Variants in THOC5 observed in about 807,000 individuals in gnomAD.
The protein encoded by THOC5 is THO complex subunit 5, also known as Fms-interacting protein.
THOC5 carries 43 observed loss-of-function variants against 92.9 expected under a neutral mutation model. The ratio of observed to expected loss-of-function variants is 0.46; its 90% CI spans 0.36 to 0.60. The LOEUF (loss-of-function observed/expected upper bound fraction) is 0.60. THOC5 is among the 20% of genes least tolerant of loss of function. The pLI is 0.00. For missense variants in THOC5, 659 were observed against 849.4 expected, an observed-to-expected ratio of 0.78 and a Z score of 2.79; for synonymous variants, 296 against 320.1, an observed-to-expected ratio of 0.92 and a Z score of 0.80.
chr22:29,545,283 T>C (rs1403213616), intron 2 of THOC5: 1 of 181,896 alleles, frequency 5.5e-6, no homozygotes, highest in Non-Finnish European at 1.2e-5. Context: ...CATGTGGCAA[T>C]TCTGGGAAAT....
chr22:29,522,493 C>T (rs11704899), intron 12 of THOC5, among the ~76,000 whole-genome samples: 17,576 of 152,068 alleles, frequency 0.12, 1,265 homozygotes, highest in Middle Eastern at 0.17. Flanking sequence ...AAACTGCCCA[C>T]GATGAAGGTT....
intron 2 of THOC5, among the ~76,000 whole-genome samples, chr22:29,545,536 T>C (rs1322888456): frequency 6.6e-6 from 1 of 151,842 alleles, no homozygotes; most frequent in African/African-American, 2.4e-5. Context: ...ACAGTGGGGG[T>C]AAATATAGCC....
intron 1 of THOC5, among the ~76,000 whole-genome samples, chr22:29,549,817 C>G (rs1340951580): frequency 6.6e-6 from 1 of 152,072 alleles, no homozygotes. Context: ...CCCAGTTCCC[C>G]AAACACTCCA....
At chr22:29,509,275 C>CAAAAAA (rs59981269) in intron 19 of THOC5, among the ~76,000 whole-genome samples, 4 of 70,958 alleles carry the variant, frequency 5.6e-5, no homozygotes, top group Non-Finnish European at 1.1e-4. Flanking sequence ...GACTCTGTCT[C>CAAAAAA]AAAAAAAAAA....
At chr22:29,512,586 T>G (rs1299569723) in intron 17 of THOC5, among the ~76,000 whole-genome samples, 2 of 152,246 alleles carry the variant, frequency 1.3e-5, no homozygotes, top group African/African-American at 4.8e-5. Context: ...CATACTTTGT[T>G]ACATAAAATT....
intron 7 of THOC5, chr22:29,534,526 G>A (rs1397040483): frequency 6.7e-6 from 1 of 150,108 alleles, no homozygotes; most frequent in Non-Finnish European, 1.5e-5. Context: ...GATTTTATTT[G>A]TGTGCTTTTC....
At chr22:29,533,436 T>C (rs1014114097) in intron 7 of THOC5, among the ~76,000 whole-genome samples, 5 of 152,166 alleles carry the variant, frequency 3.3e-5, no homozygotes, top group African/African-American at 1.2e-4. Flanking sequence ...TAAATACCTA[T>C]GTGGAAAGAA....
At chr22:29,542,729 A>C (rs913106949) in intron 5 of THOC5, 130 bp downstream of exon 5, 14 of 551,726 alleles carry the variant, frequency 2.5e-5, no homozygotes, top group Admixed American at 6.4e-5. Flanking sequence ...GCGCCACTGC[A>C]CTCCAGCCTG....
intron 10 of THOC5, 36 bp downstream of exon 10, chr22:29,528,390 C>T (rs2063586058): frequency 1.2e-6 from 2 of 1,614,072 alleles, no homozygotes. Context: ...GTGCATGCAG[C>T]TGCTTGATGC....
intron 8 of THOC5, chr22:29,531,585 C>T: frequency 8.2e-7 from 1 of 1,226,422 alleles, no homozygotes. Flanking sequence ...CACCCAAGAG[C>T]TGTCCAGCCA....
At chr22:29,514,866 C>T (rs994544950) in intron 17 of THOC5, among the ~76,000 whole-genome samples, 3 of 151,712 alleles carry the variant, frequency 2.0e-5, no homozygotes, top group Admixed American at 6.6e-5. Context: ...CCACCAACCC[C>T]GGCTAACTTT....
Position 29,528,123 on chromosome 22 carries a change from G to T in THOC5, c.1021C>A (p.Leu341Met). 1 of 1,614,178 alleles carries T rather than the reference G, an allele frequency of 6.2e-7. No individual in the cohort carries two copies. Among genetic ancestry groups the T allele is most frequent in the Non-Finnish European group, 8.5e-7 (1 of 1,180,026 alleles). Residue 341 changes from leucine (L) to methionine (M), a missense_variant, in exon 11 of 20, where the codon CTG (leucine) becomes ATG (methionine). Transcript: ENST00000490103. ...VQLDDKRKEMLKRHPLSVMLD... is the reference protein window; with the variant it reads ...VQLDDKRKEMMKRHPLSVMLD... ...ATGACAGACAGTGGGTGCCTCTTCAGCATCTCCTTGCGTTTGTCGTCCAAC... is the reference window on the plus strand; with the variant it reads ...ATGACAGACAGTGGGTGCCTCTTCATCATCTCCTTGCGTTTGTCGTCCAAC...
intron 17 of THOC5, among the ~76,000 whole-genome samples, chr22:29,516,478 C>T (rs890380301): frequency 2.6e-5 from 4 of 152,178 alleles, no homozygotes; most frequent in Admixed American, 1.3e-4. Flanking sequence ...AGGCTTGCTG[C>T]GGCTTGGGTG....
At chr22:29,509,551 G>A (rs1331082574) in intron 19 of THOC5, among the ~76,000 whole-genome samples, 1 of 152,242 alleles carries the variant, frequency 6.6e-6, no homozygotes, top group Non-Finnish European at 1.5e-5. Flanking sequence ...GCCAGTGGAG[G>A]TGTCAGATGA....
Position 29,543,507 on chromosome 22 carries a change from A to G in THOC5, c.276T>C (p.Cys92=). ...GCTTCTTTAGAGTCATGAAATGCAC[A>G]CAGCTCTGGATCCTCCGTTCTTCTA... The part of the protein sequence containing the change: ...IEIEERRIQS[C]VHFMTLKKLN... The change falls in exon 4 of 20, where the codon TGT becomes TGC. Residue 92 remains cysteine, a synonymous_variant. Transcript: ENST00000490103. 10 of 1,614,102 alleles carry G rather than the reference A, an allele frequency of 6.2e-6. No individual in the cohort carries two copies. The highest frequency in any genetic ancestry group is 8.5e-6 in the Non-Finnish European group (10 of 1,180,014).
chr22:29,524,143 G>C (rs2146480482), intron 12 of THOC5, among the ~76,000 whole-genome samples: 2 of 152,316 alleles, frequency 1.3e-5, no homozygotes, highest in South Asian at 4.1e-4. Context: ...CCCTGTTTGG[G>C]GGTCAGGGCC....
intron 5 of THOC5, among the ~76,000 whole-genome samples, chr22:29,541,185 T>TAA (rs917498258): frequency 7.1e-6 from 1 of 141,528 alleles, no homozygotes; most frequent in Admixed American, 7.1e-5. Context: ...ACTTTATCTT[T>TAA]AAAAAAAAAA....
At chr22:29,522,597 G>A (rs572014229) in intron 12 of THOC5, among the ~76,000 whole-genome samples, 3 of 152,026 alleles carry the variant, frequency 2.0e-5, no homozygotes, top group African/African-American at 7.2e-5. Flanking sequence ...TAAAAATGAT[G>A]AACATAAAAG....
In THOC5 at chr22:29,536,537, T is replaced by C. The variant is rs2063763289; in HGVS notation, c.714+87A>G. 4 of 788,254 alleles carry C rather than the reference T, an allele frequency of 5.1e-6. No homozygotes were observed. The East Asian group carries it at 7.3e-5, about 14-fold the overall frequency. 48.8% of individuals were successfully genotyped at this position (788,254 alleles called of 1,614,324 possible). ...TATACTATACTCTAATTTAGGGTAA[T>C]AGACCTGGCAAAGCCCAAAGGGTGA... On this transcript the variant is annotated intron_variant, in intron 7 of 19. Transcript: ENST00000490103.
Sources: allele counts gnomAD v4.1 joint callset (sites outside exome capture counted in the v4.1 genomes callset), GRCh38; gene constraint gnomAD v4.1.1; transcripts MANE v1.5; gene names NCBI Gene and HGNC (gene_info 2026-07-23, HGNC 2026-07-21).